Variants in XCR1 observed in about 807,000 individuals in gnomAD.
The protein encoded by XCR1 is X-C motif chemokine receptor 1.
For synonymous variants in XCR1, 187 were observed against 188.5 expected (o/e 0.99, Z 0.06); for missense variants, 356 against 424.2 (o/e 0.84, Z 1.41).
chr3:46,028,721 C>G (rs562988820), upstream of XCR1, among the ~76,000 whole-genome samples: 49 of 151,946 alleles, frequency 3.2e-4, no homozygotes, highest in South Asian at 9.8e-3. Flanking sequence ...TCCTAAGTAG[C>G]TAAGACTATA....
At chr3:46,047,264 C>T (rs1248919598) in intron 5 of XCR1, among the ~76,000 whole-genome samples, 1 of 152,162 alleles carries the variant, frequency 6.6e-6, no homozygotes, top group Non-Finnish European at 1.5e-5. Context: ...GATGAGTAAG[C>T]TAAGTTAGAA....
chr3:46,069,776 GTTTTC>G (rs932854847), intron 3 of XCR1, among the ~76,000 whole-genome samples: 14 of 151,680 alleles, frequency 9.2e-5, no homozygotes, highest in Non-Finnish European at 1.5e-4. Context: ...AATTTGTATT[GTTTTC>G]TTTTGTTTTA....
At chr3:46,038,031 T>TTTTTTG (rs1491188249) in intron 5 of XCR1, among the ~76,000 whole-genome samples, 19 of 55,316 alleles carry the variant, frequency 3.4e-4, no homozygotes, top group South Asian at 1.2e-3. Context: ...TTGTTTTTTG[T>TTTTTTG]TTTTTTTTTT....
chr3:46,058,891 G>A (rs1317374262), intron 4 of XCR1, among the ~76,000 whole-genome samples: 1 of 152,176 alleles, frequency 6.6e-6, no homozygotes, highest in African/African-American at 2.4e-5. Context: ...TAGAGTGAAG[G>A]CATTGATTGG....
chr3:46,055,074 G>C (rs940140244), intron 4 of XCR1, among the ~76,000 whole-genome samples: 4 of 152,212 alleles, frequency 2.6e-5, no homozygotes, highest in Non-Finnish European at 4.4e-5. Flanking sequence ...TTGAGTTCAG[G>C]CCAGGAAGAA....
intron 1 of XCR1, among the ~76,000 whole-genome samples, chr3:46,082,666 A>C (rs942655870): frequency 3.3e-5 from 5 of 151,330 alleles, no homozygotes; most frequent in African/African-American, 4.8e-5. Flanking sequence ...AATTAAAAAA[A>C]AAATTGTAGA....
intron 1 of XCR1, among the ~76,000 whole-genome samples, chr3:46,026,874 G>T (rs1198253578): frequency 6.7e-6 from 1 of 149,814 alleles, no homozygotes; most frequent in Non-Finnish European, 1.5e-5. Flanking sequence ...GAGCCACCAC[G>T]CCCAGCCAAT....
rs1331161069 is a variant in XCR1 at position 46,023,680 on chromosome 3, G to T, written c.-31-1702C>A. On this transcript the variant is annotated intron_variant, in intron 1 of 1. Transcript: ENST00000309285. The stretch of plus-strand genomic sequence containing the variant: ...CCCTTCTTCAGAGAAACGCCTGCTT[G>T]AGATTCAGGGGATCTTTGACAGGGA... 2.0e-6 allele frequency: 3 copies of T among 1,465,260 alleles called. No individual in the cohort carries two copies. The East Asian group carries it at 6.8e-5, about 33-fold the overall frequency. 90.8% of individuals were successfully genotyped at this position (1,465,260 alleles called of 1,614,324 possible).
chr3:46,054,963 C>T (rs1046791362), intron 4 of XCR1, among the ~76,000 whole-genome samples: 1 of 152,122 alleles, frequency 6.6e-6, no homozygotes, highest in South Asian at 2.1e-4. Context: ...CTAAGGAAAT[C>T]GATCACTGGT....
intron 3 of XCR1, among the ~76,000 whole-genome samples, chr3:46,074,212 A>ATTTTTTTTTT (rs1384010299): frequency 1.1e-5 from 1 of 88,386 alleles, no homozygotes; most frequent in Non-Finnish European, 2.1e-5. Context: ...ACTGAAGGCC[A>ATTTTTTTTTT]TCTTTTTTTT....
intron 4 of XCR1, among the ~76,000 whole-genome samples, chr3:46,063,972 G>A (rs1246711390): frequency 6.6e-6 from 1 of 152,078 alleles, no homozygotes; most frequent in Non-Finnish European, 1.5e-5. Flanking sequence ...TCCCAGGCTT[G>A]AGCAATCCTC....
chr3:46,083,547 AT>A (rs138681956), intron 1 of XCR1, among the ~76,000 whole-genome samples: 1 of 151,604 alleles, frequency 6.6e-6, no homozygotes, highest in African/African-American at 2.4e-5. Context: ...AGCTCCATGC[AT>A]TTTTTTTTCT....
At position 46,021,936 on chromosome 3, in the gene XCR1, T is replaced by C. The variant is rs201993069; in HGVS notation, c.12A>G (p.Ser4=). MES[S]GNPESTTFFY... ...AAAAGGTGGTGCTCTCTGGGTTGCC[T>C]GAGGACTCCATCTGGACCAGATGGC... is the stretch of plus-strand genomic sequence containing the variant. Residue 4 remains serine, a synonymous_variant, in exon 2 of 2, where the codon TCA becomes TCG. Transcript: ENST00000309285. The surrounding 1 kb of genome is among the most constrained non-coding windows in gnomAD (Gnocchi z 4.7). 1.2e-5 allele frequency: 20 copies of C among 1,611,100 alleles called. No homozygotes were observed. Among genetic ancestry groups the C allele is most frequent in the Admixed American group, 1.7e-5 (1 of 59,834 alleles).
At chr3:46,023,188 T>C in intron 1 of XCR1, 2 of 456,710 alleles carry the variant, frequency 4.4e-6, no homozygotes, top group Admixed American at 4.2e-5. Flanking sequence ...AGTGGAGAGA[T>C]TGTTGCTCCC....
At chr3:46,058,162 G>T (rs1697889494) in intron 4 of XCR1, among the ~76,000 whole-genome samples, 2 of 152,160 alleles carry the variant, frequency 1.3e-5, no homozygotes, top group Non-Finnish European at 2.9e-5. Flanking sequence ...GGCCAGTAAT[G>T]ACTCTATTTC....
upstream of XCR1, among the ~76,000 whole-genome samples, chr3:46,030,664 T>C (rs1046285270): frequency 2.0e-5 from 3 of 152,222 alleles, no homozygotes; most frequent in Non-Finnish European, 4.4e-5. Context: ...CCAGAGCAGC[T>C]GCTACCATCA....
chr3:46,082,636 G>A (rs1476209382), intron 1 of XCR1, among the ~76,000 whole-genome samples: 1 of 149,814 alleles, frequency 6.7e-6, no homozygotes, highest in Non-Finnish European at 1.5e-5. Flanking sequence ...GGCAACAGAA[G>A]TGCACCACCA....
At chr3:46,040,934 A>G (rs1697528063) in intron 5 of XCR1, among the ~76,000 whole-genome samples, 1 of 152,236 alleles carries the variant, frequency 6.6e-6, no homozygotes, top group South Asian at 2.1e-4. Context: ...TGCATGGATC[A>G]AACTAATGGA....
intron 1 of XCR1, among the ~76,000 whole-genome samples, chr3:46,078,444 C>T (rs1452399911): frequency 6.6e-6 from 1 of 152,106 alleles, no homozygotes; most frequent in Non-Finnish European, 1.5e-5. Flanking sequence ...CTAGATTTTG[C>T]CTGAGCTATG....
Sources: allele counts gnomAD v4.1 joint callset (sites outside exome capture counted in the v4.1 genomes callset), GRCh38; gene constraint gnomAD v4.1.1; non-coding constraint Gnocchi (gnomAD v3.1); transcripts MANE v1.5; gene names NCBI Gene and HGNC (gene_info 2026-07-23, HGNC 2026-07-21).